Variants in PAK2 observed in about 807,000 individuals in gnomAD.
The protein encoded by PAK2 is serine/threonine-protein kinase PAK 2.
A neutral mutation model predicts 65.9 loss-of-function variants in PAK2; 21 were observed. That is an observed-to-expected ratio of 0.32 (90% CI 0.23 to 0.46). The LOEUF (loss-of-function observed/expected upper bound fraction) is 0.46, where lower values mean the gene tolerates loss of function less well. PAK2 is among the 20% of genes least tolerant of loss of function. The probability of loss-of-function intolerance (pLI) is 1.00; values close to 1 mark genes in which losing one functional copy is unlikely to be tolerated. For synonymous variants in PAK2, 204 were observed against 219.7 expected, an observed-to-expected ratio of 0.93 and a Z score of 0.63; for missense variants, 324 against 642.6, an observed-to-expected ratio of 0.50 and a Z score of 5.36.
intron 2 of PAK2, among the ~76,000 whole-genome samples, chr3:196,801,689 C>T (rs560331566): frequency 1.3e-4 from 19 of 151,920 alleles, no homozygotes; most frequent in African/African-American, 4.1e-4. Context: ...AAAAATTAGC[C>T]GGGCATGGTG....
intron 10 of PAK2, among the ~76,000 whole-genome samples, chr3:196,813,210 A>G (rs886854149): frequency 6.6e-6 from 1 of 152,116 alleles, no homozygotes; most frequent in Admixed American, 6.6e-5. Flanking sequence ...TTCAAATGCT[A>G]TCCTTCATGG....
At chr3:196,760,433 T>G (rs1713921057) in intron 1 of PAK2, among the ~76,000 whole-genome samples, 1 of 152,134 alleles carries the variant, frequency 6.6e-6, no homozygotes. Context: ...GTATTTTTAG[T>G]AGAGACAGTA....
chr3:196,786,166 CT>C (rs201222000), intron 2 of PAK2, among the ~76,000 whole-genome samples: 2,278 of 142,244 alleles, frequency 0.016, 86 homozygotes, highest in Admixed American at 0.097. Flanking sequence ...ATCAATTTCT[CT>C]TTTTTTTTTT....
intron 7 of PAK2, among the ~76,000 whole-genome samples, chr3:196,809,690 C>T (rs1245591040): frequency 6.6e-6 from 1 of 150,944 alleles, no homozygotes; most frequent in Non-Finnish European, 1.5e-5. Flanking sequence ...TCCTAATTGT[C>T]ATCATTTAGT....
intron 1 of PAK2, among the ~76,000 whole-genome samples, chr3:196,770,094 A>G (rs1165149637): frequency 6.6e-6 from 1 of 151,904 alleles, no homozygotes; most frequent in Non-Finnish European, 1.5e-5. Flanking sequence ...TGTCTCTGCT[A>G]AAAAGTTTAA....
chr3:196,763,772 A>G (rs7633044), intron 1 of PAK2, among the ~76,000 whole-genome samples: 67,545 of 151,824 alleles, frequency 0.44, 15,804 homozygotes, highest in Non-Finnish European at 0.53. Context: ...CACTCAGATC[A>G]CTGTCTACAA....
intron 6 of PAK2, among the ~76,000 whole-genome samples, 156 bp from the exon 7 acceptor site, chr3:196,807,626 A>G (rs770299220): frequency 1.3e-4 from 20 of 152,192 alleles, no homozygotes; most frequent in Non-Finnish European, 2.2e-4. Context: ...TCTTAGTTAC[A>G]CATCTTTTAT....
chr3:196,759,538 GAGAT>G (rs1330216574), intron 1 of PAK2, among the ~76,000 whole-genome samples: 1 of 43,294 alleles, frequency 2.3e-5, no homozygotes, highest in Non-Finnish European at 4.3e-5. Flanking sequence ...TTTTTTTTTT[GAGAT>G]AGAGTCTTGC....
intron 4 of PAK2, among the ~76,000 whole-genome samples, chr3:196,803,588 C>A (rs1404529259): frequency 6.6e-6 from 1 of 151,960 alleles, no homozygotes; most frequent in Non-Finnish European, 1.5e-5. Flanking sequence ...TAGGTCCACT[C>A]AAAAAATTGA....
chr3:196,812,802 C>G lies in PAK2; in HGVS notation c.886C>G (p.Leu296Val). Reference protein sequence around the residue: ...PKKELIINEILVMKELKNPNI... With the variant: ...PKKELIINEIVVMKELKNPNI... Reference sequence around the variant, plus strand: ...GAAGGAACTGATCATTAACGAGATTCTGGTGATGAAAGAATTGAAAAATCC... The same window carrying G: ...GAAGGAACTGATCATTAACGAGATTGTGGTGATGAAAGAATTGAAAAATCC... The change falls in exon 10 of 15, where the codon CTG becomes GTG. Residue 296 changes from leucine to valine, a missense_variant. By Grantham distance (32) the Leu-to-Val change is conservative. This residue lies in a region of PAK2 where 183 missense variants were observed against 246.2 expected (regional missense o/e 0.74). Coordinates refer to ENST00000327134, the MANE Select transcript of PAK2 (RefSeq NM_002577.4). The G allele has an allele frequency of 6.3e-7, 1 of 1,581,608 alleles. No individual in the cohort carries two copies. The highest frequency in any genetic ancestry group is 8.7e-7 in the Non-Finnish European group (1 of 1,151,082).
intron 1 of PAK2, among the ~76,000 whole-genome samples, chr3:196,755,814 G>A (rs1411510556): frequency 1.3e-5 from 2 of 151,284 alleles, no homozygotes; most frequent in African/African-American, 4.9e-5. Context: ...GGAGTACAGC[G>A]GCATGATCTT....
chr3:196,772,564 C>T (rs1400041744), intron 1 of PAK2, among the ~76,000 whole-genome samples: 1 of 152,146 alleles, frequency 6.6e-6, no homozygotes. Context: ...TTCTCGCTTT[C>T]CCTCTTTTCT....
chr3:196,814,954 T>C (rs549767200), intron 11 of PAK2, among the ~76,000 whole-genome samples: 128 of 141,772 alleles, frequency 9.0e-4, no homozygotes, highest in African/African-American at 2.6e-3. Context: ...CCGAGGCGGG[T>C]GGATCACAAG....
chr3:196,758,730 C>G (rs1355808701), intron 1 of PAK2, among the ~76,000 whole-genome samples: 1 of 152,142 alleles, frequency 6.6e-6, no homozygotes, highest in Non-Finnish European at 1.5e-5. Context: ...GATCTCAGCT[C>G]ACAGCAGCCT....
At chr3:196,816,379 A>G (rs916995273) in intron 11 of PAK2, among the ~76,000 whole-genome samples, 2 of 152,218 alleles carry the variant, frequency 1.3e-5, no homozygotes, top group Non-Finnish European at 2.9e-5. Context: ...ATAGAATATG[A>G]TAGTCCTTAA....
chr3:196,827,269 A>T lies in PAK2; in HGVS notation c.1424A>T (p.Asp475Val). ...NPEKLSPIFR[D>V]FLNRCLEMDV... ...GAGAAACTTTCCCCAATATTTCGGG[A>T]TTTCTTAAATCGATGTTTGGAAATG... Residue 475 changes from aspartate (D) to valine (V), a missense_variant, in exon 14 of 15, where the codon GAT becomes GTT. Physicochemically the swap from Asp to Val is radical, Grantham distance 152. Coordinates refer to ENST00000327134, the MANE Select transcript of PAK2 (RefSeq NM_002577.4). 1 of 1,612,864 alleles carries T rather than the reference A, an allele frequency of 6.2e-7. No homozygotes were observed. Among genetic ancestry groups the T allele is most frequent in the Non-Finnish European group, 8.5e-7 (1 of 1,179,042 alleles).
At chr3:196,784,212 A>G (rs1401124331) in intron 2 of PAK2, among the ~76,000 whole-genome samples, 1 of 123,818 alleles carries the variant, frequency 8.1e-6, no homozygotes, top group African/African-American at 3.0e-5. Flanking sequence ...TTTGTTTTTA[A>G]TTTTTTTTTT....
At chr3:196,748,575 T>C (rs542776759) in intron 1 of PAK2, among the ~76,000 whole-genome samples, 15 of 152,182 alleles carry the variant, frequency 9.9e-5, no homozygotes, top group Non-Finnish European at 1.8e-4. Flanking sequence ...GTTGGAATTA[T>C]ATAGCGTGTA....
At chr3:196,800,440 C>G (rs1399334670) in intron 2 of PAK2, among the ~76,000 whole-genome samples, 1 of 152,162 alleles carries the variant, frequency 6.6e-6, no homozygotes, top group Non-Finnish European at 1.5e-5. Context: ...TATGTACATT[C>G]ATTCCAATTC....
Sources: gnomAD v4.1 joint callset for allele counts (sites outside exome capture counted in the v4.1 genomes callset) on GRCh38, gnomAD v4.1.1 for gene constraint, gnomAD v4.1.1 regional missense constraint, MANE v1.5 for transcripts, NCBI Gene and HGNC (gene_info 2026-07-23, HGNC 2026-07-21) for gene names.